The following NTRK2 variants were observed in gnomAD, a reference collection of about 807,000 sequenced individuals.
The protein encoded by NTRK2 is BDNF/NT-3 growth factors receptor.
A neutral mutation model predicts 94.5 loss-of-function variants in NTRK2; 13 were observed. That is an observed-to-expected ratio of 0.14 (90% CI 0.09 to 0.22). The LOEUF is 0.22. NTRK2 is among the 10% of genes least tolerant of loss of function. The pLI, the probability that NTRK2 is intolerant of heterozygous loss-of-function variation, is 1.00. For synonymous variants in NTRK2, 372 were observed against 407.4 expected, an observed-to-expected ratio of 0.91 and a Z score of 1.05; for missense variants, 639 against 1,071.2, an observed-to-expected ratio of 0.60 and a Z score of 5.63.
intron 15 of NTRK2, among the ~76,000 whole-genome samples, chr9:84,942,662 GTTTA>G (rs1377339791): frequency 1.3e-5 from 2 of 151,816 alleles, no homozygotes; most frequent in African/African-American, 2.4e-5. Context: ...TATCGATATA[GTTTA>G]TTTAACTCAA....
chr9:84,685,155 G>A (rs908041835), intron 2 of NTRK2, among the ~76,000 whole-genome samples: 1 of 150,440 alleles, frequency 6.6e-6, no homozygotes, highest in African/African-American at 2.4e-5. Context: ...TGTAACAATT[G>A]TTTTATTATT....
At position 84,943,133 on chromosome 9, in the gene NTRK2, GAGA is replaced by G. The variant is rs143828685; in HGVS notation, c.1765-5321_1765-5319del. 6.1e-3 allele frequency among the ~76,000 whole-genome samples: 926 copies of G among 152,256 alleles called. 18 individuals carry two copies. The highest frequency in any genetic ancestry group is 0.041 in the East Asian group (211 of 5,186). Reference sequence around the variant, plus strand: ...TGTTTCTATGATCTCTAAAATATATGAGAAGAAGAATATAAGATCAGTACTTTT... The same window carrying G: ...TGTTTCTATGATCTCTAAAATATATGAGAAGAATATAAGATCAGTACTTTT... On this transcript the variant is annotated intron_variant, in intron 15 of 18. Coordinates refer to ENST00000277120, the MANE Select transcript of NTRK2 (RefSeq NM_006180.6).
chr9:84,780,122 T>TA (rs1300409340), intron 12 of NTRK2, among the ~76,000 whole-genome samples: 2 of 152,010 alleles, frequency 1.3e-5, no homozygotes, highest in Admixed American at 1.3e-4. Context: ...AGCTACGTGT[T>TA]AGAGTTCCAC....
chr9:84,815,655 T>C, intron 12 of NTRK2: 1 of 993,760 alleles, frequency 1.0e-6, no homozygotes, highest in Non-Finnish European at 1.2e-6. Flanking sequence ...ATAAATGTAC[T>C]TGCTGAATTC....
chr9:84,774,490 A>G (rs1226549124), intron 12 of NTRK2, among the ~76,000 whole-genome samples: 1 of 152,222 alleles, frequency 6.6e-6, no homozygotes, highest in African/African-American at 2.4e-5. Context: ...CAGAGAGGTT[A>G]TGTGACTTGC....
intron 14 of NTRK2, among the ~76,000 whole-genome samples, chr9:84,927,833 ACCCTGTTGCCTCCCTATTTCCTGATTT>A (rs1418251014): frequency 9.2e-5 from 14 of 152,228 alleles, no homozygotes; most frequent in African/African-American, 3.4e-4. Context: ...CAGGTTAGGC[ACCCTGTTGCCTCCCTATTTCCTGATTT>A]CACTGGAAAC....
At chr9:84,812,889 T>G in intron 12 of NTRK2, 1 of 1,034,062 alleles carries the variant, frequency 9.7e-7, no homozygotes, top group Non-Finnish European at 1.2e-6. Flanking sequence ...AGTTGACATC[T>G]CCTAGGGAAT....
chr9:84,675,392 G>T (rs1432243980), intron 2 of NTRK2, among the ~76,000 whole-genome samples: 2 of 104,422 alleles, frequency 1.9e-5, no homozygotes, highest in African/African-American at 7.5e-5. Flanking sequence ...TTAACTCATT[G>T]GTCATCTTGC....
intron 14 of NTRK2, among the ~76,000 whole-genome samples, chr9:84,886,746 A>T (rs904043768): frequency 6.6e-6 from 1 of 152,122 alleles, no homozygotes; most frequent in South Asian, 2.1e-4. Context: ...ACCCCTCATC[A>T]GCTTAAAACC....
At chr9:84,816,186 A>C (rs1478567979) in intron 12 of NTRK2, among the ~76,000 whole-genome samples, 2 of 151,956 alleles carry the variant, frequency 1.3e-5, no homozygotes, top group Admixed American at 6.6e-5. Context: ...GAGAGAGGGG[A>C]ATATGTTGGA....
chr9:84,932,727 C>G (rs1281391252), intron 14 of NTRK2, among the ~76,000 whole-genome samples: 2 of 152,128 alleles, frequency 1.3e-5, no homozygotes, highest in African/African-American at 4.8e-5. Context: ...TACGAACAAG[C>G]TATGACAGAA....
At chr9:84,992,118 T>C (rs571597944) in intron 17 of NTRK2, among the ~76,000 whole-genome samples, 166 of 152,284 alleles carry the variant, frequency 1.1e-3, no homozygotes, top group African/African-American at 3.8e-3. Context: ...AGTTGGTGGA[T>C]GGTTGTTCAA....
At chr9:84,985,761 T>A (rs1828213042) in intron 17 of NTRK2, among the ~76,000 whole-genome samples, 1 of 152,228 alleles carries the variant, frequency 6.6e-6, no homozygotes, top group Non-Finnish European at 1.5e-5. Flanking sequence ...CTTACATTAA[T>A]ACAGCCAACA....
At chr9:84,791,363 A>C (rs1328184608) in intron 12 of NTRK2, among the ~76,000 whole-genome samples, 1 of 152,134 alleles carries the variant, frequency 6.6e-6, no homozygotes, top group African/African-American at 2.4e-5. Flanking sequence ...TTATGTCTGG[A>C]TTAATTAAAA....
At chr9:84,885,733 A>C (rs1460210482) in intron 14 of NTRK2, among the ~76,000 whole-genome samples, 1 of 152,198 alleles carries the variant, frequency 6.6e-6, no homozygotes, top group African/African-American at 2.4e-5. Context: ...TTTCACCAAC[A>C]AAAGAATTAG....
intron 13 of NTRK2, among the ~76,000 whole-genome samples, chr9:84,864,372 G>A (rs2075475777): frequency 2.6e-5 from 4 of 152,138 alleles, no homozygotes; most frequent in Admixed American, 2.0e-4. Context: ...GGAGGGGGGT[G>A]AGGGATAAAA....
intron 11 of NTRK2, among the ~76,000 whole-genome samples, chr9:84,751,553 C>G (rs890100135): frequency 6.6e-6 from 1 of 152,010 alleles, no homozygotes. Flanking sequence ...TGCACTTTAG[C>G]CTGAGCAACA....
At chr9:84,744,926 T>C (rs2063932572) in intron 10 of NTRK2, 47 bp from the exon 11 acceptor site, 1 of 1,325,470 alleles carries the variant, frequency 7.5e-7, no homozygotes, top group African/African-American at 1.4e-5. Context: ...GTTGGCAGCT[T>C]AATGACAACT....
At chr9:84,811,516 G>GT (rs2071784750) in intron 12 of NTRK2, 1 of 1,065,452 alleles carries the variant, frequency 9.4e-7, no homozygotes, top group South Asian at 4.6e-5. Flanking sequence ...GAAGGCCACA[G>GT]TATCTCATGC....
Sources: allele counts gnomAD v4.1 joint callset (sites outside exome capture counted in the v4.1 genomes callset), GRCh38; gene constraint gnomAD v4.1.1; transcripts MANE v1.5; gene names NCBI Gene and HGNC (gene_info 2026-07-23, HGNC 2026-07-21).